The following ALK variants were observed in gnomAD, a reference collection of about 807,000 sequenced individuals.
ALK encodes the protein ALK receptor tyrosine kinase, also known as ALK tyrosine kinase receptor.
Under a neutral mutation model 163.1 loss-of-function variants are expected in ALK, and 74 were observed. The ratio of observed to expected loss-of-function variants is 0.45; its 90% CI spans 0.38 to 0.55. The LOEUF (loss-of-function observed/expected upper bound fraction) is 0.55. Among genes scored for constraint, ALK ranks in the 20% least tolerant of loss-of-function variants. The pLI, the probability that ALK is intolerant of heterozygous loss-of-function variation, is 0.00. For synonymous variants in ALK, 960 were observed against 843.2 expected, an observed-to-expected ratio of 1.14 and a Z score of -2.40; for missense variants, 2,063 against 2,105.3, an observed-to-expected ratio of 0.98 and a Z score of 0.39.
At chr2:29,770,877 A>T (rs577129167) in intron 1 of ALK, among the ~76,000 whole-genome samples, 51 of 152,128 alleles carry the variant, frequency 3.4e-4, no homozygotes, top group Admixed American at 6.6e-4. Context: ...ACAGTCACAC[A>T]CATGCACACA....
intron 13 of ALK, among the ~76,000 whole-genome samples, chr2:29,238,066 T>C (rs1220824073): frequency 6.6e-6 from 1 of 152,178 alleles, no homozygotes; most frequent in Non-Finnish European, 1.5e-5. Context: ...TGGAGGATTC[T>C]AGCAGCTGGA....
intron 3 of ALK, among the ~76,000 whole-genome samples, chr2:29,548,169 T>C (rs1673607582): frequency 6.6e-6 from 1 of 152,120 alleles, no homozygotes; most frequent in Non-Finnish European, 1.5e-5. Flanking sequence ...TGTGGACTAG[T>C]AAAGTAATAA....
At chr2:29,392,581 G>A (rs1193979751) in intron 4 of ALK, among the ~76,000 whole-genome samples, 1 of 152,100 alleles carries the variant, frequency 6.6e-6, no homozygotes, top group African/African-American at 2.4e-5. Context: ...GCTTGTTGGG[G>A]GCTGATGTCC....
intron 4 of ALK, among the ~76,000 whole-genome samples, chr2:29,521,812 T>G (rs1369649127): frequency 6.6e-6 from 1 of 152,298 alleles, no homozygotes; most frequent in African/African-American, 2.4e-5. Context: ...ATCTCCTCAA[T>G]GCAGACTTGG....
rs930443796 is a variant in ALK, at chr2:29,594,905, G to T, written c.953-62789C>A. Among the ~76,000 whole-genome samples, 125 of 96,668 alleles carry T rather than the reference G, an allele frequency of 1.3e-3. 2 individuals are homozygous for T. Among genetic ancestry groups the T allele is most frequent in the African/African-American group, 4.5e-3 (113 of 24,922 alleles). The allele number at this position is 96,668 out of a possible 152,430, so 63.4% of individuals were successfully genotyped here. ...TTTCTAAACAAAAATGGGGGGTGGG[G>T]GGCGGGGGGCAAAGAAGGTTGAAAT... On this transcript the variant is annotated intron_variant, in intron 3 of 28. Coordinates refer to ENST00000389048, the MANE Select transcript of ALK (RefSeq NM_004304.5).
chr2:29,515,431 A>G (rs1672634748), intron 4 of ALK, among the ~76,000 whole-genome samples: 1 of 152,138 alleles, frequency 6.6e-6, no homozygotes, highest in African/African-American at 2.4e-5. Flanking sequence ...TGCACATAAT[A>G]GAGGAATTCG....
At chr2:29,264,698 G>A (rs183202863) in intron 11 of ALK, among the ~76,000 whole-genome samples, 129 of 152,362 alleles carry the variant, frequency 8.5e-4, no homozygotes, top group African/African-American at 3.0e-3. Context: ...AAACCCACCT[G>A]AGTGGTCAGA....
intron 9 of ALK, among the ~76,000 whole-genome samples, chr2:29,282,974 C>T (rs141706618): frequency 6.6e-6 from 1 of 152,274 alleles, no homozygotes; most frequent in East Asian, 1.9e-4. Context: ...CTTTCATTCT[C>T]GAAATCTGTG....
At chr2:29,475,722 A>G (rs1671500425) in intron 4 of ALK, among the ~76,000 whole-genome samples, 1 of 152,156 alleles carries the variant, frequency 6.6e-6, no homozygotes, top group African/African-American at 2.4e-5. Flanking sequence ...TGTGGCTGGA[A>G]ATTTAAGACA....
chr2:29,766,301 G>C (rs1441448971), intron 1 of ALK, among the ~76,000 whole-genome samples: 1 of 152,046 alleles, frequency 6.6e-6, no homozygotes, highest in African/African-American at 2.4e-5. Context: ...ACTCCTTCAC[G>C]GGGTTGTTCA....
intron 1 of ALK, among the ~76,000 whole-genome samples, chr2:29,884,424 G>A (rs1231793666): frequency 1.3e-5 from 2 of 152,042 alleles, no homozygotes; most frequent in African/African-American, 4.8e-5. Flanking sequence ...GCAGCTGCCA[G>A]CCATTTCAAG....
rs554980135 is a variant in ALK at position 29,210,536 on chromosome 2, A to T, written c.3744-658T>A. On this transcript the variant is annotated intron_variant, in intron 24 of 28. Transcript: ENST00000389048. Reference sequence around the variant, plus strand: ...CAACCTCTGCCTCCCGGGTTCAAGCAATTCTCCTATTTCAGCCTCCCAAGT... The same window carrying T: ...CAACCTCTGCCTCCCGGGTTCAAGCTATTCTCCTATTTCAGCCTCCCAAGT... 2.6e-5 allele frequency among the ~76,000 whole-genome samples: 4 copies of T among 152,118 alleles called. No homozygotes were observed. The South Asian group carries it at 8.3e-4, about 32-fold the overall frequency.
chr2:29,720,705 A>T (rs1170839789), intron 1 of ALK, among the ~76,000 whole-genome samples: 3 of 152,256 alleles, frequency 2.0e-5, no homozygotes. Flanking sequence ...TCTGCATTTA[A>T]CAAGTACAGG....
intron 8 of ALK, among the ~76,000 whole-genome samples, chr2:29,308,299 G>T (rs1032545062): frequency 6.6e-6 from 1 of 152,160 alleles, no homozygotes; most frequent in African/African-American, 2.4e-5. Context: ...GGAAGGAAAT[G>T]TACCAATATC....
At position 29,523,858 on chromosome 2, in the gene ALK, G is replaced by GTCTTTTTTTTTT. The variant is rs1672879628; in HGVS notation, c.1154+8056_1154+8057insAAAAAAAAAAGA. On this transcript the variant is annotated intron_variant, in intron 4 of 28. Transcript: ENST00000389048. Reference sequence around the variant, plus strand: ...AGGTCAGAACTGGCAGAAGCTGAAGGTTTTTTTTTTTTTTTTTTTTTTTTT... The same window carrying GTCTTTTTTTTTT: ...AGGTCAGAACTGGCAGAAGCTGAAGGTCTTTTTTTTTTTTTTTTTTTTTTTTTTTTTTTTTTT... Among the ~76,000 whole-genome samples, 5 of 110,950 alleles carry GTCTTTTTTTTTT rather than the reference G, an allele frequency of 4.5e-5. 2 individuals carry two copies. The allele number at this position is 110,950 out of a possible 152,430, so 72.8% of individuals were successfully genotyped here. A position where few individuals can be genotyped will look rare whatever the true frequency, so the allele number is the denominator to read the frequency against.
chr2:29,683,416 A>AC (rs960861284), intron 3 of ALK, among the ~76,000 whole-genome samples: 32 of 152,182 alleles, frequency 2.1e-4, no homozygotes, highest in African/African-American at 7.5e-4. Flanking sequence ...CAAAAACAAA[A>AC]AAAATGACTA....
intron 22 of ALK, 69 bp downstream of exon 22, chr2:29,222,275 T>C (rs2148168280): frequency 2.1e-6 from 3 of 1,439,552 alleles, no homozygotes; most frequent in Admixed American, 1.8e-5. Flanking sequence ...TATCGATCTG[T>C]TAGAAACCTC....
intron 18 of ALK, among the ~76,000 whole-genome samples, chr2:29,226,708 C>A (rs1464467359): frequency 6.6e-6 from 1 of 152,038 alleles, no homozygotes; most frequent in African/African-American, 2.4e-5. Context: ...TGGTAGAGGG[C>A]TTATTCTATA....
Position 29,421,716 on chromosome 2 carries a change from G to A in ALK, c.1155-37857C>T, listed in dbSNP as rs543637570. Among the ~76,000 whole-genome samples the A allele has an allele frequency of 9.0e-4, 137 of 151,596 alleles. 1 individual carries two copies. The highest frequency in any genetic ancestry group is 1.8e-3 in the Non-Finnish European group (121 of 68,024). On this transcript the variant is annotated intron_variant, in intron 4 of 28. Transcript: ENST00000389048. ...CTGTCTGCGTCCTGTATCTCAGAGA[G>A]ACCAGAGTGTCTGCTTCAGGCATGA...
Sources: allele counts gnomAD v4.1 joint callset (sites outside exome capture counted in the v4.1 genomes callset), GRCh38; gene constraint gnomAD v4.1.1; transcripts MANE v1.5; gene names NCBI Gene and HGNC (gene_info 2026-07-23, HGNC 2026-07-21).